The following PPFIBP1 variants were observed in gnomAD, a reference collection of about 807,000 sequenced individuals.
PPFIBP1 encodes the protein PPFIB scaffold protein 1, also known as liprin-beta-1.
In PPFIBP1, 112 loss-of-function variants were observed where a neutral mutation model predicts 137.8. The observed-to-expected ratio is 0.81, with a 90% confidence interval of 0.70 to 0.95. The LOEUF (loss-of-function observed/expected upper bound fraction) is 0.95. Ranked by LOEUF, PPFIBP1 falls within the 40% of genes least tolerant of loss-of-function variation. The probability of loss-of-function intolerance (pLI) is 0.00; values close to 1 mark genes in which losing one functional copy is unlikely to be tolerated. For missense variants in PPFIBP1, 1,083 were observed against 1,196.6 expected (o/e 0.91, Z 1.40); for synonymous variants, 378 against 417.3 (o/e 0.91, Z 1.15).
At chr12:27,532,109 T>C (rs1032823657) in intron 1 of PPFIBP1, among the ~76,000 whole-genome samples, 1 of 152,204 alleles carries the variant, frequency 6.6e-6, no homozygotes, top group Non-Finnish European at 1.5e-5. Context: ...TGATGACAGA[T>C]ATTGTTGTTA....
At chr12:27,618,278 A>AAGGGCCG (rs2055979518) in intron 2 of PPFIBP1, among the ~76,000 whole-genome samples, 1 of 152,226 alleles carries the variant, frequency 6.6e-6, no homozygotes, top group Non-Finnish European at 1.5e-5. Flanking sequence ...CCTCTCGGCC[A>AAGGGCCG]AGGGCATTCC....
At chr12:27,564,469 CATT>C (rs762802096) in intron 1 of PPFIBP1, among the ~76,000 whole-genome samples, 30 of 152,280 alleles carry the variant, frequency 2.0e-4, no homozygotes, top group Admixed American at 7.8e-4. Flanking sequence ...TCACTGTTGT[CATT>C]GTTGTTGTTT....
intron 9 of PPFIBP1, 197 bp downstream of exon 9, chr12:27,656,927 TG>T (rs2059236408): frequency 2.1e-6 from 1 of 477,240 alleles, no homozygotes; most frequent in African/African-American, 2.0e-5. Flanking sequence ...CTTCAGCAGC[TG>T]GAAAAGGGGA....
At chr12:27,528,528 G>T (rs1311751174) in intron 1 of PPFIBP1, among the ~76,000 whole-genome samples, 3 of 152,126 alleles carry the variant, frequency 2.0e-5, no homozygotes, top group Non-Finnish European at 4.4e-5. Context: ...TGCGTTAAAT[G>T]GAGCTCATAA....
At chr12:27,688,779 A>G (rs1208239967) in intron 26 of PPFIBP1, among the ~76,000 whole-genome samples, 2 of 152,190 alleles carry the variant, frequency 1.3e-5, no homozygotes, top group African/African-American at 4.8e-5. Flanking sequence ...GAGCACTGAT[A>G]TTGGGATGCC....
At chr12:27,598,455 A>G (rs1198890416) in intron 2 of PPFIBP1, among the ~76,000 whole-genome samples, 2 of 152,192 alleles carry the variant, frequency 1.3e-5, no homozygotes, top group East Asian at 3.9e-4. Context: ...GGTCCCTCCC[A>G]CAACACCAGA....
chr12:27,565,313 C>A (rs1800977313), intron 1 of PPFIBP1, among the ~76,000 whole-genome samples: 1 of 152,224 alleles, frequency 6.6e-6, no homozygotes, highest in African/African-American at 2.4e-5. Flanking sequence ...AAGCTGGGCT[C>A]AGTATTGCCC....
chr12:27,682,815 C>T, intron 24 of PPFIBP1, 112 bp downstream of exon 24: 1 of 1,540,246 alleles, frequency 6.5e-7, no homozygotes, highest in Non-Finnish European at 8.8e-7. Flanking sequence ...GAGTTTGAAG[C>T]TGTTGCTTGA....
At chr12:27,547,999 A>T (rs1022360681) in intron 1 of PPFIBP1, 3 of 152,226 alleles carry the variant, frequency 2.0e-5, no homozygotes, top group Admixed American at 2.0e-4. Context: ...AAGTCCCTTT[A>T]TATGGAAAGT....
At chr12:27,568,791 A>T (rs2049901551) in intron 1 of PPFIBP1, among the ~76,000 whole-genome samples, 1 of 152,216 alleles carries the variant, frequency 6.6e-6, no homozygotes, top group South Asian at 2.1e-4. Context: ...TTCAACCATG[A>T]ATGAACCCAG....
chr12:27,646,283 T>C, intron 5 of PPFIBP1, 135 bp downstream of exon 5: 1 of 721,702 alleles, frequency 1.4e-6, no homozygotes, highest in Non-Finnish European at 2.4e-6. Context: ...CTGTACACAA[T>C]AGGGAGTGGT....
At position 27,537,398 on chromosome 12, in the gene PPFIBP1, TG is replaced by T. The variant is rs35694245; in HGVS notation, c.-124+13036del. Among the ~76,000 whole-genome samples the T allele has an allele frequency of 7.2e-5, 11 of 152,310 alleles. No homozygotes were observed. In the South Asian group the frequency reaches 8.3e-4, roughly 11 times the overall value. On this transcript the variant is annotated intron_variant, in intron 1 of 29. Coordinates refer to ENST00000228425, the MANE Select transcript of PPFIBP1 (RefSeq NM_003622.4). ...CGCCGGCCTCGGCCTCCCAAAGTGC[TG>T]GGATTACAGACGTGAGCCACCGCGC... is the stretch of plus-strand genomic sequence containing the variant.
chr12:27,648,952 A>C (rs2058710887), intron 6 of PPFIBP1, among the ~76,000 whole-genome samples: 1 of 152,214 alleles, frequency 6.6e-6, no homozygotes, highest in Admixed American at 6.5e-5. Context: ...CAGGGTGACT[A>C]TAGCCAATAA....
At chr12:27,597,649 A>G (rs2053474107) in intron 2 of PPFIBP1, among the ~76,000 whole-genome samples, 1 of 152,172 alleles carries the variant, frequency 6.6e-6, no homozygotes, top group South Asian at 2.1e-4. Flanking sequence ...GTCATTACTC[A>G]TGGAAATGGA....
intron 1 of PPFIBP1, among the ~76,000 whole-genome samples, chr12:27,572,977 T>C (rs946776646): frequency 6.6e-6 from 1 of 152,190 alleles, no homozygotes; most frequent in Non-Finnish European, 1.5e-5. Flanking sequence ...AGAAATAAGT[T>C]TGAAGTTTGC....
chr12:27,629,065 T>C (rs2346751), intron 2 of PPFIBP1, among the ~76,000 whole-genome samples: 3,982 of 152,316 alleles, frequency 0.026, 407 homozygotes, highest in Admixed American at 0.18. Context: ...CCCTGAAATC[T>C]TGGACAGTTA....
intron 19 of PPFIBP1, 128 bp from the exon 20 acceptor site, chr12:27,679,361 G>A (rs1450530353): frequency 1.2e-6 from 1 of 849,366 alleles, no homozygotes; most frequent in South Asian, 1.8e-5. Context: ...ATATTTACAA[G>A]GTGCTCTTTG....
intron 2 of PPFIBP1, among the ~76,000 whole-genome samples, chr12:27,612,165 A>T (rs1217730731): frequency 6.6e-6 from 1 of 152,072 alleles, no homozygotes; most frequent in African/African-American, 2.4e-5. Context: ...TTGTCCAGGG[A>T]TGCCGTCAGA....
At chr12:27,552,771 T>A (rs1186472653) in intron 1 of PPFIBP1, 1 of 152,162 alleles carries the variant, frequency 6.6e-6, no homozygotes, top group African/African-American at 2.4e-5. Flanking sequence ...GGAGAGAGAT[T>A]GCGTTCGATT....
Sources: gnomAD v4.1 joint callset for allele counts (sites outside exome capture counted in the v4.1 genomes callset) on GRCh38, gnomAD v4.1.1 for gene constraint, MANE v1.5 for transcripts, NCBI Gene and HGNC (gene_info 2026-07-23, HGNC 2026-07-21) for gene names.